Variants in SLC6A12 observed in about 807,000 individuals in gnomAD.
The protein encoded by SLC6A12 is solute carrier family 6 member 12.
SLC6A12 carries 50 observed loss-of-function variants against 73.3 expected under a neutral mutation model. The observed-to-expected ratio is 0.68, with a 90% CI of 0.54 to 0.86. The LOEUF (loss-of-function observed/expected upper bound fraction) is 0.86. SLC6A12 is among the 40% of genes least tolerant of loss of function. The pLI is 0.00. For missense variants in SLC6A12, 648 were observed against 772.8 expected (o/e 0.84, Z 1.92); for synonymous variants, 304 against 309.2 (o/e 0.98, Z 0.18).
At chr12:194,347 TAA>T (rs1002872396) in intron 13 of SLC6A12, among the ~76,000 whole-genome samples, 31 of 152,310 alleles carry the variant, frequency 2.0e-4, no homozygotes, top group African/African-American at 7.5e-4. Context: ...GGCAGCAAAA[TAA>T]AGTCTTTTCT....
chr12:200,912 A>G (rs73604805), intron 6 of SLC6A12, 129 bp from the exon 7 acceptor site: 92,041 of 855,788 alleles, frequency 0.11, 8,544 homozygotes, highest in East Asian at 0.36. Flanking sequence ...CCCACTCCCC[A>G]CCTCCCCCAC....
the SLC6A12 span, among the ~76,000 whole-genome samples, chr12:184,033 T>C: frequency 2.6e-5 from 4 of 152,126 alleles, no homozygotes; most frequent in East Asian, 1.9e-4. Context: ...ATCTTGTTTA[T>C]GGGCATAAAT....
chr12:204,202 C>T (rs1940492730), intron 4 of SLC6A12: 1 of 253,186 alleles, frequency 3.9e-6, no homozygotes, highest in Admixed American at 4.7e-5. Flanking sequence ...CTGGCGGAGG[C>T]ACAGCACCCC....
In SLC6A12 at chr12:204,899, C is replaced by T. The variant is rs1211547307; in HGVS notation, c.215-201G>A. The T allele has an allele frequency of 3.0e-5, 17 of 562,262 alleles. No homozygotes were observed. The East Asian group carries it at 4.6e-4, about 15-fold the overall frequency. 34.8% of individuals were successfully genotyped at this position (562,262 alleles called of 1,614,324 possible). On this transcript the variant is annotated intron_variant, in intron 3 of 15. Transcript: ENST00000684302. ...ACAGGTGGGAATGTTCTGATCTGAA[C>T]CCTACACAGAATGAGAAAGGCCTTG... is the stretch of plus-strand genomic sequence containing the variant.
In SLC6A12 at chr12:200,647, T is replaced by C. The variant is rs1383785409; in HGVS notation, c.711+4A>G. Reference sequence around the variant, plus strand: ...GGAGCTTCCCAGGAGGCAGGACATCTCACCTTGCCTGTGGACTTGACCCCC... The same window carrying C: ...GGAGCTTCCCAGGAGGCAGGACATCCCACCTTGCCTGTGGACTTGACCCCC... On this transcript the variant is annotated splice_donor_region_variant and intron_variant, in intron 7 of 15. Transcript: ENST00000684302. 3.1e-6 allele frequency: 5 copies of C among 1,613,512 alleles called. No homozygotes were observed. In the African/African-American group the frequency reaches 5.3e-5, roughly 17 times the overall value.
chr12:197,758 G>C (rs1047069934), intron 9 of SLC6A12, 142 bp downstream of exon 9: 15 of 672,324 alleles, frequency 2.2e-5, no homozygotes, highest in Non-Finnish European at 3.5e-5. Context: ...CATTTAGTCT[G>C]GGAAAGGAAC....
the SLC6A12 span, among the ~76,000 whole-genome samples, chr12:183,913 G>GA: frequency 6.6e-6 from 1 of 151,498 alleles, no homozygotes; most frequent in Non-Finnish European, 1.5e-5. Flanking sequence ...AACTCTTTCA[G>GA]AAAAGAGAAA....
chr12:208,217 A>G (rs1438953333), intron 3 of SLC6A12, among the ~76,000 whole-genome samples: 6 of 152,154 alleles, frequency 3.9e-5, no homozygotes, highest in Non-Finnish European at 7.4e-5. Context: ...GTGGCCCTGG[A>G]TGAAGAAGGA....
In SLC6A12 at chr12:198,500, G is replaced by T. The variant is rs1281881128; in HGVS notation, c.846+297C>A. 6.6e-6 allele frequency among the ~76,000 whole-genome samples: 1 copy of T among 152,176 alleles called. No individual in the cohort carries two copies. Among genetic ancestry groups the T allele is most frequent in the Non-Finnish European group, 1.5e-5 (1 of 68,042 alleles). ...AATGCCTTGAGCCCAAGAGGTTGAGGCTGCAGTGAGCTATGATGGCACCAC... is the reference window on the plus strand; with the variant it reads ...AATGCCTTGAGCCCAAGAGGTTGAGTCTGCAGTGAGCTATGATGGCACCAC... On this transcript the variant is annotated intron_variant, in intron 8 of 15. Coordinates refer to ENST00000684302, the MANE Select transcript of SLC6A12 (RefSeq NM_001122848.3). The surrounding 1 kb of genome is among the most constrained non-coding windows in gnomAD (Gnocchi z 4.0).
chr12:200,293 A>G (rs2137150038), intron 7 of SLC6A12, among the ~76,000 whole-genome samples: 1 of 151,098 alleles, frequency 6.6e-6, no homozygotes, highest in Non-Finnish European at 1.5e-5. Flanking sequence ...TATTTTTAGT[A>G]GAGACGGGGT....
intron 6 of SLC6A12, chr12:201,545 G>A (rs1940263990): frequency 1.8e-6 from 1 of 553,532 alleles, no homozygotes; most frequent in Non-Finnish European, 3.3e-6. Context: ...GGCTGAAGGT[G>A]GACATGACGG....
At chr12:191,288 G>A in intron 15 of SLC6A12, 77 bp from the exon 16 acceptor site, 3 of 1,217,962 alleles carry the variant, frequency 2.5e-6, no homozygotes, top group Non-Finnish European at 3.1e-6. Flanking sequence ...GCAACCCCAG[G>A]GCCCAGCCCA....
chr12:204,552 G>C lies in SLC6A12; in HGVS notation c.349+12C>G. 6.2e-7 allele frequency: 1 copy of C among 1,613,762 alleles called. No homozygotes were observed. The highest frequency in any genetic ancestry group is 1.1e-5 in the South Asian group (1 of 91,086). ...CGGCCCCATGAAGGGGAAGGTGGGG[G>C]AGGATACATACCCTGGAAGAGGGGG... On this transcript the variant is annotated intron_variant, in intron 4 of 15. Transcript: ENST00000684302.
chr12:200,877 A>G lies in SLC6A12; in HGVS notation c.579-94T>C, dbSNP rs1393509520. The stretch of plus-strand genomic sequence containing the variant: ...TCTCCTGATTCTCAGAGCTGACCCC[A>G]CGGATCTCATATTCCAGGGCTTCCC... On this transcript the variant is annotated intron_variant, in intron 6 of 15. Transcript: ENST00000684302. 15 of 1,354,368 alleles carry G rather than the reference A, an allele frequency of 1.1e-5. No homozygotes were observed. In the Admixed American group the frequency reaches 1.4e-4, roughly 13 times the overall value. The allele number at this position is 1,354,368 out of a possible 1,614,324, so 83.9% of individuals were successfully genotyped here. A position where few individuals can be genotyped will look rare whatever the true frequency, so the allele number is the denominator to read the frequency against.
chr12:188,109 G>A (rs1477994568), downstream of SLC6A12, among the ~76,000 whole-genome samples: 3 of 152,330 alleles, frequency 2.0e-5, no homozygotes, highest in South Asian at 4.1e-4. Flanking sequence ...GTCCGGTTCC[G>A]TGCGCCCGCA....
intron 1 of SLC6A12, among the ~76,000 whole-genome samples, chr12:212,543 G>C (rs1940944924): frequency 6.6e-6 from 1 of 152,186 alleles, no homozygotes; most frequent in South Asian, 2.1e-4. Flanking sequence ...AAATAAAAAA[G>C]TAATCGGGAG....
In SLC6A12 at chr12:198,944, G is replaced by A; in HGVS notation, c.712-13C>T. 2 of 1,613,774 alleles carry A rather than the reference G, an allele frequency of 1.2e-6. No homozygotes were observed. Among genetic ancestry groups the A allele is most frequent in the African/African-American group, 1.3e-5 (1 of 75,058 alleles). On this transcript the variant is annotated splice_polypyrimidine_tract_variant and intron_variant, in intron 7 of 15. Transcript: ENST00000684302. This position sits in a 1 kb window ranked among gnomAD's most constrained non-coding sequence, Gnocchi z 4.0. ...TGAAATAAACCACCTGGAGGTGGGG[G>A]GACAGGCCAAGGTCACTCCTGGTGG...
At chr12:206,876 A>G (rs1940676353) in intron 3 of SLC6A12, among the ~76,000 whole-genome samples, 1 of 152,086 alleles carries the variant, frequency 6.6e-6, no homozygotes, top group African/African-American at 2.4e-5. Context: ...GGCCCACGGG[A>G]CTCCTTCCCA....
chr12:186,131 GA>G (rs1939424774), downstream of SLC6A12, among the ~76,000 whole-genome samples: 1 of 152,138 alleles, frequency 6.6e-6, no homozygotes, highest in African/African-American at 2.4e-5. Context: ...GGCTCAGGCA[GA>G]AGGGCACGAG....
Sources: gnomAD v4.1 joint callset for allele counts (sites outside exome capture counted in the v4.1 genomes callset) on GRCh38, gnomAD v4.1.1 for gene constraint, Gnocchi (gnomAD v3.1) non-coding constraint, MANE v1.5 for transcripts, NCBI Gene and HGNC (gene_info 2026-07-23, HGNC 2026-07-21) for gene names.